KCNMA1: variants seen among roughly 807,000 people sequenced by gnomAD.
KCNMA1 encodes the protein potassium calcium-activated channel subfamily M alpha 1.
KCNMA1 carries 29 observed loss-of-function variants against 140.0 expected under a neutral mutation model. The ratio of observed to expected loss-of-function variants is 0.21; its 90% CI spans 0.15 to 0.28. The LOEUF is 0.28. Ranked by LOEUF, KCNMA1 falls within the 10% of genes least tolerant of loss-of-function variation. The pLI is 1.00. For missense variants in KCNMA1, 880 were observed against 1,602.2 expected (o/e 0.55, Z 7.70); for synonymous variants, 612 against 611.9 (o/e 1.00, Z 0.00).
intron 2 of KCNMA1, among the ~76,000 whole-genome samples, chr10:77,305,363 AC>A (rs2077438458): frequency 6.6e-6 from 1 of 152,064 alleles, no homozygotes; most frequent in Admixed American, 6.5e-5. Context: ...CTTTATAATC[AC>A]CCTTTGAGGT....
At chr10:77,048,950 G>C (rs2095244081) in intron 14 of KCNMA1, among the ~76,000 whole-genome samples, 1 of 152,050 alleles carries the variant, frequency 6.6e-6, no homozygotes, top group Non-Finnish European at 1.5e-5. Context: ...ATTTTTAGTA[G>C]AGATGGGGTT....
At chr10:77,469,409 G>A (rs911783413) in intron 1 of KCNMA1, among the ~76,000 whole-genome samples, 2 of 152,198 alleles carry the variant, frequency 1.3e-5, no homozygotes, top group Non-Finnish European at 2.9e-5. Context: ...ACAGCGTTTA[G>A]AGGGCAGCGC....
At chr10:77,527,534 G>C (rs2056220699) in intron 1 of KCNMA1, among the ~76,000 whole-genome samples, 1 of 152,124 alleles carries the variant, frequency 6.6e-6, no homozygotes, top group Non-Finnish European at 1.5e-5. Context: ...GCACCACCAG[G>C]ATGTCCAGGC....
chr10:77,273,855 C>T (rs188938680), intron 2 of KCNMA1, among the ~76,000 whole-genome samples: 1 of 152,248 alleles, frequency 6.6e-6, no homozygotes, highest in East Asian at 1.9e-4. Flanking sequence ...ACAGAGAACA[C>T]ATGACAAAGA....
At chr10:77,605,821 T>C (rs898483241) in intron 1 of KCNMA1, among the ~76,000 whole-genome samples, 1 of 152,188 alleles carries the variant, frequency 6.6e-6, no homozygotes, top group Admixed American at 6.5e-5. Context: ...AACTGCCACA[T>C]CCTTTACACA....
At chr10:77,281,019 G>A (rs993048813) in intron 2 of KCNMA1, among the ~76,000 whole-genome samples, 1 of 152,208 alleles carries the variant, frequency 6.6e-6, no homozygotes, top group African/African-American at 2.4e-5. Context: ...AACAGCAAGA[G>A]ATGTTAGAAC....
At chr10:77,308,027 T>C (rs2078258445) in intron 2 of KCNMA1, among the ~76,000 whole-genome samples, 1 of 152,202 alleles carries the variant, frequency 6.6e-6, no homozygotes, top group South Asian at 2.1e-4. Flanking sequence ...AAAAAGACTT[T>C]AAGCCACCTT....
At chr10:77,429,456 G>A (rs898917028) in intron 1 of KCNMA1, among the ~76,000 whole-genome samples, 5 of 152,080 alleles carry the variant, frequency 3.3e-5, no homozygotes, top group African/African-American at 9.7e-5. Flanking sequence ...ACGTCCCCTC[G>A]AGGGCAAAAT....
At position 77,178,528 on chromosome 10, in the gene KCNMA1, G is replaced by A. The variant is rs184366818; in HGVS notation, c.808+4893C>T. On this transcript the variant is annotated intron_variant, in intron 5 of 27. Transcript: ENST00000286628. ...TTGAGACCAGCCTGGCCAACATGGC[G>A]ATCCCGTCTCTACTAAAAATACAAA... Among the ~76,000 whole-genome samples the A allele has an allele frequency of 1.7e-3, 257 of 152,072 alleles. No individual in the cohort carries two copies. In the Middle Eastern group the frequency reaches 0.02, roughly 12 times the overall value.
chr10:77,044,174 T>G (rs1297099678), intron 14 of KCNMA1, among the ~76,000 whole-genome samples: 5 of 152,142 alleles, frequency 3.3e-5, no homozygotes, highest in Admixed American at 3.3e-4. Context: ...CATTACATCA[T>G]AGTGCATCAC....
At chr10:77,449,544 C>A (rs1318959372) in intron 1 of KCNMA1, among the ~76,000 whole-genome samples, 4 of 151,708 alleles carry the variant, frequency 2.6e-5, no homozygotes, top group South Asian at 2.1e-4. Flanking sequence ...GGGCAGAAAA[C>A]TTTTACTTTT....
chr10:76,886,659 T>C lies in KCNMA1; in HGVS notation c.*607A>G. On this transcript the variant is annotated 3_prime_UTR_variant, in exon 28 of 28. Transcript: ENST00000286628. ...TGAGTAACTAAAAAAATCACTGATGTTCTCTTGCAACAAGCAGGTCCTTCA... is the reference window on the plus strand; with the variant it reads ...TGAGTAACTAAAAAAATCACTGATGCTCTCTTGCAACAAGCAGGTCCTTCA... 1 of 991,866 alleles carries C rather than the reference T, an allele frequency of 1.0e-6. No individual in the cohort carries two copies. The highest frequency in any genetic ancestry group is 1.2e-6 in the Non-Finnish European group (1 of 833,738). 61.4% of individuals were successfully genotyped at this position (991,866 alleles called of 1,614,324 possible).
chr10:77,634,815 A>G (rs1241439540), intron 1 of KCNMA1: 1 of 173,948 alleles, frequency 5.7e-6, no homozygotes, highest in African/African-American at 2.5e-5. Flanking sequence ...ACACACACAC[A>G]ATTGCAATAA....
intron 1 of KCNMA1, among the ~76,000 whole-genome samples, chr10:77,599,813 G>C (rs1208295347): frequency 2.0e-5 from 3 of 152,114 alleles, no homozygotes; most frequent in Non-Finnish European, 2.9e-5. Context: ...CTGGGACCCG[G>C]AAGATAATGA....
chr10:77,589,147 G>A (rs1399536266), intron 1 of KCNMA1, among the ~76,000 whole-genome samples: 2 of 152,164 alleles, frequency 1.3e-5, no homozygotes, highest in Non-Finnish European at 2.9e-5. Context: ...CCCTAATCTA[G>A]TGGGTAAAAC....
intron 3 of KCNMA1, among the ~76,000 whole-genome samples, chr10:77,193,841 C>T (rs1200169541): frequency 6.6e-6 from 1 of 152,144 alleles, no homozygotes; most frequent in East Asian, 1.9e-4. Context: ...GACACAAATG[C>T]TGGCATGGGG....
chr10:77,042,387 G>A (rs2094776229), intron 14 of KCNMA1, among the ~76,000 whole-genome samples: 2 of 152,126 alleles, frequency 1.3e-5, no homozygotes, highest in South Asian at 2.1e-4. Flanking sequence ...GTAAAAAAAT[G>A]TTGGAATATA....
At chr10:77,363,122 T>TA (rs67526457) in intron 2 of KCNMA1, among the ~76,000 whole-genome samples, 7 of 151,506 alleles carry the variant, frequency 4.6e-5, no homozygotes, top group South Asian at 4.2e-4. Flanking sequence ...TTATTATTAT[T>TA]TTTTTTTTCT....
chr10:77,234,918 C>T (rs1376715778), intron 3 of KCNMA1, among the ~76,000 whole-genome samples: 2 of 152,122 alleles, frequency 1.3e-5, no homozygotes, highest in Non-Finnish European at 2.9e-5. Flanking sequence ...AAGCTAAGAT[C>T]CTGTGAAGTT....
Sources: allele counts gnomAD v4.1 joint callset (sites outside exome capture counted in the v4.1 genomes callset), GRCh38; gene constraint gnomAD v4.1.1; transcripts MANE v1.5; gene names NCBI Gene and HGNC (gene_info 2026-07-23, HGNC 2026-07-21).